Variants in ZNF432 observed in about 807,000 individuals in gnomAD.
The protein encoded by ZNF432 is zinc finger protein 432.
In ZNF432, 10 loss-of-function variants were observed where a neutral mutation model predicts 13.9. The observed-to-expected ratio is 0.72, with a 90% CI of 0.44 to 1.22. The LOEUF (loss-of-function observed/expected upper bound fraction) is 1.22. ZNF432 is among the 50% of genes most tolerant of loss of function. The pLI is 0.00. For synonymous variants in ZNF432, 247 were observed against 256.2 expected, an observed-to-expected ratio of 0.96 and a Z score of 0.34; for missense variants, 793 against 796.2, an observed-to-expected ratio of 1.00 and a Z score of 0.05.
intron 2 of ZNF432, among the ~76,000 whole-genome samples, chr19:52,043,715 G>A (rs1272084700): frequency 6.6e-6 from 1 of 152,260 alleles, no homozygotes; most frequent in Non-Finnish European, 1.5e-5. Context: ...AACCGCCTTA[G>A]GGCTGGAGGT....
intron 2 of ZNF432, among the ~76,000 whole-genome samples, chr19:52,043,646 G>C (rs968539412): frequency 6.6e-6 from 1 of 152,168 alleles, no homozygotes; most frequent in African/African-American, 2.4e-5. Context: ...CCGTCCCTGG[G>C]CAATGGAATG....
At position 52,041,532 on chromosome 19, in the gene ZNF432, C is replaced by A; in HGVS notation, c.90G>T (p.Lys30Asn). The A allele has an allele frequency of 3.1e-6, 5 of 1,612,568 alleles. No homozygotes were observed. The highest frequency in any genetic ancestry group is 4.2e-6 in the Non-Finnish European group (5 of 1,179,296). The change falls in exon 3 of 5, where the codon AAG (lysine) becomes AAT (asparagine). Residue 30 changes from lysine to asparagine, a missense_variant. Coordinates refer to ENST00000221315, the MANE Select transcript of ZNF432 (RefSeq NM_014650.4). ...EEWQLLGPFQ[K>N]DLYRDVMLEI... The stretch of plus-strand genomic sequence containing the variant: ...CCAACATCACATCCCGGTACAAATC[C>A]TTCTGAAAAGGGCCCAGGAGCTGCC...
intron 3 of ZNF432, among the ~76,000 whole-genome samples, chr19:52,041,239 G>A (rs529844082): frequency 1.3e-5 from 2 of 152,294 alleles, no homozygotes; most frequent in South Asian, 2.1e-4. Flanking sequence ...TAGGTTATAT[G>A]CAAATACAAT....
chr19:52,047,936 A>C (rs1246421580), intron 1 of ZNF432, among the ~76,000 whole-genome samples: 1 of 152,084 alleles, frequency 6.6e-6, no homozygotes, highest in Non-Finnish European at 1.5e-5. Context: ...TAAAAACATA[A>C]TGTTAAATAG....
Position 52,040,490 on chromosome 19 carries a change from G to A in ZNF432, c.236C>T (p.Pro79Leu), listed in dbSNP as rs1409425667. The change falls in exon 4 of 5, where the codon CCA (proline) becomes CTA (leucine). Residue 79 changes from proline (P) to leucine (L), a missense_variant and splice_region_variant. By Grantham distance (98) the Pro-to-Leu change is moderately conservative. Transcript: ENST00000221315. ...MEDERHSRIC[P>L]ENNEVDDHLQ... ...GCATCTTGCTGCTTCTCACATACCT[G>A]GACAGATTCGACTGTGCCTTTCATC... 1 of 1,613,728 alleles carries A rather than the reference G, an allele frequency of 6.2e-7. No homozygotes were observed. The highest frequency in any genetic ancestry group is 1.1e-5 in the South Asian group (1 of 91,074).
chr19:52,046,928 T>A lies in ZNF432; in HGVS notation c.-60A>T. 5 of 1,591,824 alleles carry A rather than the reference T, an allele frequency of 3.1e-6. No homozygotes were observed. The highest frequency in any genetic ancestry group is 4.3e-6 in the Non-Finnish European group (5 of 1,166,604). On this transcript the variant is annotated 5_prime_UTR_variant, in exon 2 of 5. Coordinates refer to ENST00000221315, the MANE Select transcript of ZNF432 (RefSeq NM_014650.4). ...ATACTCTGTCTTTGTCTCCTCTGGATCTGCCTTAAATTTCTATTTAGAAAC... is the reference window on the plus strand; with the variant it reads ...ATACTCTGTCTTTGTCTCCTCTGGAACTGCCTTAAATTTCTATTTAGAAAC...
rs756915211 is a variant in ZNF432, at chr19:52,035,290, A to G, written c.389T>C (p.Phe130Ser). 6.2e-7 allele frequency: 1 copy of G among 1,609,960 alleles called. No individual in the cohort carries two copies. Among genetic ancestry groups the G allele is most frequent in the Non-Finnish European group, 8.5e-7 (1 of 1,178,976 alleles). ...TTTCAAAGTTTTTATATATAACTCA[A>G]ATGTATCATGATTTTCCCTGAAAAG... Reference protein sequence around the residue: ...LCLFRENHDTFELYIKTLKSN... With the variant: ...LCLFRENHDTSELYIKTLKSN... The change falls in exon 5 of 5, where the codon TTT becomes TCT. Residue 130 changes from phenylalanine to serine, a missense_variant. By Grantham distance (155) the Phe-to-Ser change is radical (BLOSUM62 -2). Transcript: ENST00000221315.
intron 4 of ZNF432, among the ~76,000 whole-genome samples, chr19:52,036,276 G>A (rs145377909): frequency 1.0e-3 from 155 of 152,280 alleles, no homozygotes; most frequent in African/African-American, 3.4e-3. Context: ...ATTCTAATTA[G>A]GAAAAACAAT....
chr19:52,034,168 T>C lies in ZNF432; in HGVS notation c.1511A>G (p.Gln504Arg). Residue 504 changes from glutamine to arginine, a missense_variant, in exon 5 of 5, where the codon CAG (glutamine) becomes CGG (arginine). Gln to Arg is a conservative substitution (Grantham distance 43). Transcript: ENST00000221315. ...FIVNSGLMLH[Q>R]RTHTGEKPYI... ...CGGTTTCTCTCCAGTATGAGTTCGC[T>C]GATGTAACATCAGTCCGCTATTCAC... The C allele has an allele frequency of 6.2e-7, 1 of 1,614,174 alleles. No individual in the cohort carries two copies. Among genetic ancestry groups the C allele is most frequent in the South Asian group, 1.1e-5 (1 of 91,070 alleles).
chr19:52,034,662 A>G lies in ZNF432; in HGVS notation c.1017T>C (p.His339=), dbSNP rs372158788. ...TACAGATGTAGGGCTTCTCTCCTGT[A>G]TGAGTTCGCTGATGTATAATAAGCA... is the stretch of plus-strand genomic sequence containing the variant. ...KSMLIIHQRT[H]TGEKPYICSE... Residue 339 remains histidine (H), a synonymous_variant, in exon 5 of 5, where the codon CAT becomes CAC. Transcript: ENST00000221315. The G allele has an allele frequency of 6.2e-6, 10 of 1,613,740 alleles. No individual in the cohort carries two copies. Among genetic ancestry groups the G allele is most frequent in the Admixed American group, 1.7e-5 (1 of 59,972 alleles).
In ZNF432 at chr19:52,032,805, A is replaced by G. The variant is rs150254930; in HGVS notation, c.*915T>C. 11 of 152,290 alleles carry G rather than the reference A, an allele frequency of 7.2e-5. No individual in the cohort carries two copies. Among genetic ancestry groups the G allele is most frequent in the African/African-American group, 9.6e-5 (4 of 41,566 alleles). 9.4% of individuals were successfully genotyped at this position (152,290 alleles called of 1,614,324 possible). A position where few individuals can be genotyped will look rare whatever the true frequency, so the allele number is the denominator to read the frequency against. ...GATCCTTTTTAAAGTTACTCTTCAT[A>G]TAAGTTTTATTTCTGTATGAAGTAA... On this transcript the variant is annotated 3_prime_UTR_variant, in exon 5 of 5. Transcript: ENST00000221315.
At chr19:52,036,072 C>T (rs1387085121) in intron 4 of ZNF432, among the ~76,000 whole-genome samples, 1 of 152,142 alleles carries the variant, frequency 6.6e-6, no homozygotes, top group Non-Finnish European at 1.5e-5. Context: ...AAGCAAACAA[C>T]AGGGCTTGGA....
chr19:52,042,656 A>G (rs2087146972), intron 2 of ZNF432, among the ~76,000 whole-genome samples: 1 of 152,218 alleles, frequency 6.6e-6, no homozygotes, highest in Non-Finnish European at 1.5e-5. Context: ...ATATGCCTAT[A>G]CATAGTTTTT....
chr19:52,048,050 G>A (rs989228987), intron 1 of ZNF432, among the ~76,000 whole-genome samples: 1 of 151,384 alleles, frequency 6.6e-6, no homozygotes, highest in Non-Finnish European at 1.5e-5. Context: ...AAAACTCATT[G>A]TGGAGGAGGT....
intron 1 of ZNF432, among the ~76,000 whole-genome samples, chr19:52,047,789 A>G (rs17835716): frequency 0.2 from 29,853 of 152,076 alleles, 3,263 homozygotes; most frequent in East Asian, 0.38. Flanking sequence ...TTAGAAAACA[A>G]TTCAAAAATA....
At chr19:52,041,690 C>G in intron 2 of ZNF432, 84 bp from the exon 3 acceptor site, 1 of 1,538,354 alleles carries the variant, frequency 6.5e-7, no homozygotes, top group South Asian at 1.1e-5. Flanking sequence ...TTGTCCCGCT[C>G]ACATTAAACA....
In ZNF432 at chr19:52,034,038, T is replaced by C; in HGVS notation, c.1641A>G (p.Gly547=). 1 of 1,614,182 alleles carries C rather than the reference T, an allele frequency of 6.2e-7. No individual in the cohort carries two copies. Among genetic ancestry groups the C allele is most frequent in the Non-Finnish European group, 8.5e-7 (1 of 1,180,032 alleles). The change falls in exon 5 of 5, where the codon GGA becomes GGG. Residue 547 remains glycine, a synonymous_variant. Transcript: ENST00000221315. ...GATAGCGTTTCATGGTGAAGCCTTTTCCACATTCACTGCACATAAAGGGTT... is the reference window on the plus strand; with the variant it reads ...GATAGCGTTTCATGGTGAAGCCTTTCCCACATTCACTGCACATAAAGGGTT... ...GEKPFMCSEC[G]KGFTMKRYLI...
At chr19:52,043,967 A>G (rs1412632599) in intron 2 of ZNF432, among the ~76,000 whole-genome samples, 1 of 152,128 alleles carries the variant, frequency 6.6e-6, no homozygotes, top group East Asian at 1.9e-4. Flanking sequence ...GATCCTCCAT[A>G]TGCTGAACGC....
chr19:52,039,743 C>T (rs949536250), intron 4 of ZNF432, among the ~76,000 whole-genome samples: 18 of 150,184 alleles, frequency 1.2e-4, no homozygotes, highest in Non-Finnish European at 2.1e-4. Flanking sequence ...GCAGGAGAAT[C>T]GCTTGAACCC....
Sources: allele counts gnomAD v4.1 joint callset (sites outside exome capture counted in the v4.1 genomes callset), GRCh38; gene constraint gnomAD v4.1.1; transcripts MANE v1.5; gene names NCBI Gene and HGNC (gene_info 2026-07-23, HGNC 2026-07-21).